SLIT3: variants seen among roughly 807,000 people sequenced by gnomAD.
The protein encoded by SLIT3 is slit guidance ligand 3.
A neutral mutation model predicts 184.0 loss-of-function variants in SLIT3; 68 were observed. The observed-to-expected ratio is 0.37, with a 90% CI of 0.30 to 0.45. SLIT3 has a LOEUF of 0.45. SLIT3 is among the 20% of genes least tolerant of loss of function. SLIT3 has a pLI of 1.00. For missense variants in SLIT3, 1,707 were observed against 2,026.0 expected (o/e 0.84, Z 3.02); for synonymous variants, 831 against 828.6 (o/e 1.00, Z -0.05).
intron 18 of SLIT3, among the ~76,000 whole-genome samples, chr5:168,749,859 CT>C (rs1393651812): frequency 6.6e-6 from 1 of 152,292 alleles, no homozygotes; most frequent in Non-Finnish European, 1.5e-5. Flanking sequence ...GTACCAAGCC[CT>C]GGCTGTGTGA....
intron 1 of SLIT3, among the ~76,000 whole-genome samples, chr5:169,257,253 G>A (rs140607709): frequency 2.6e-5 from 4 of 152,122 alleles, no homozygotes; most frequent in African/African-American, 9.6e-5. Context: ...CTCATCTTGG[G>A]TGGGATTCAG....
intron 3 of SLIT3, among the ~76,000 whole-genome samples, chr5:169,241,376 T>C (rs977327827): frequency 3.3e-5 from 5 of 152,186 alleles, no homozygotes; most frequent in Admixed American, 6.5e-5. Context: ...CTATCTGACA[T>C]ATGATAAAGA....
intron 12 of SLIT3, among the ~76,000 whole-genome samples, chr5:168,781,330 A>G (rs766445121): frequency 2.1e-4 from 32 of 152,180 alleles, no homozygotes; most frequent in Non-Finnish European, 4.0e-4. Flanking sequence ...CCTCAGGACT[A>G]TTAGGGTGGT....
intron 15 of SLIT3, among the ~76,000 whole-genome samples, chr5:168,761,909 T>G (rs146044103): frequency 7.8e-6 from 1 of 127,758 alleles, no homozygotes; most frequent in Admixed American, 8.7e-5. Context: ...GCCCAGCTAA[T>G]AAAAAAAAAA....
rs568958530 is a variant in SLIT3, at chr5:168,973,371, C to T, written c.414-90035G>A. Among the ~76,000 whole-genome samples the T allele has an allele frequency of 9.9e-5, 15 of 152,282 alleles. No individual in the cohort carries two copies. The South Asian group carries it at 2.9e-3, about 30-fold the overall frequency. On this transcript the variant is annotated intron_variant, in intron 4 of 35. Coordinates refer to ENST00000519560, the MANE Select transcript of SLIT3 (RefSeq NM_003062.4). ...CAAGCGATTCTCCTACCTCAGCCTC[C>T]TGAGTAGCTGGGATTACAGGTGCTC...
chr5:168,676,659 C>T (rs1761420800), intron 32 of SLIT3, among the ~76,000 whole-genome samples: 1 of 152,198 alleles, frequency 6.6e-6, no homozygotes. Flanking sequence ...GCAGGTATAT[C>T]CCACAGCGTC....
At chr5:169,152,771 C>T (rs1762161619) in intron 4 of SLIT3, among the ~76,000 whole-genome samples, 1 of 152,122 alleles carries the variant, frequency 6.6e-6, no homozygotes, top group Non-Finnish European at 1.5e-5. Flanking sequence ...TAATTATTTC[C>T]TTCCCTGACA....
chr5:168,786,059 G>C, intron 11 of SLIT3, 81 bp from the exon 12 acceptor site: 1 of 924,218 alleles, frequency 1.1e-6, no homozygotes, highest in Non-Finnish European at 1.8e-6. Flanking sequence ...CCATCACCTC[G>C]GCCAGTTCTG....
At chr5:168,847,270 A>G (rs551419099) in intron 5 of SLIT3, among the ~76,000 whole-genome samples, 3 of 152,370 alleles carry the variant, frequency 2.0e-5, no homozygotes, top group South Asian at 2.1e-4. Flanking sequence ...ATATTTATGC[A>G]TAAGTGTGCT....
intron 20 of SLIT3, among the ~76,000 whole-genome samples, chr5:168,732,082 A>G (rs542043857): frequency 6.6e-6 from 1 of 152,272 alleles, no homozygotes; most frequent in South Asian, 2.1e-4. Flanking sequence ...GACTTAATAA[A>G]TGAATTCAGT....
chr5:169,223,290 A>G (rs1326537066), intron 3 of SLIT3, among the ~76,000 whole-genome samples: 1 of 152,206 alleles, frequency 6.6e-6, no homozygotes, highest in African/African-American at 2.4e-5. Context: ...TGGGGATGCT[A>G]TGACCTCTAG....
At chr5:169,264,282 C>A (rs1259300930) in intron 1 of SLIT3, among the ~76,000 whole-genome samples, 1 of 152,154 alleles carries the variant, frequency 6.6e-6, no homozygotes, top group African/African-American at 2.4e-5. Context: ...CAACCTCCAC[C>A]TCCTGGGTTC....
In SLIT3 at chr5:168,688,772, C is replaced by T. The variant is rs1008079033; in HGVS notation, c.3177-1656G>A. ...GCCTTTGAGGGGCATGTGCTCAATA[C>T]AGCACCATGTATACTTCTGCTACTG... is the stretch of plus-strand genomic sequence containing the variant. On this transcript the variant is annotated intron_variant, in intron 29 of 35. Coordinates refer to ENST00000519560, the MANE Select transcript of SLIT3 (RefSeq NM_003062.4). Among the ~76,000 whole-genome samples, 4 of 152,358 alleles carry T rather than the reference C, an allele frequency of 2.6e-5. No individual in the cohort carries two copies. In the South Asian group the frequency reaches 6.2e-4, roughly 24 times the overall value.
chr5:169,147,806 G>C (rs574415285), intron 4 of SLIT3, among the ~76,000 whole-genome samples: 1 of 152,088 alleles, frequency 6.6e-6, no homozygotes, highest in African/African-American at 2.4e-5. Context: ...AGTATCCCTG[G>C]GCCTTAGATG....
intron 12 of SLIT3, among the ~76,000 whole-genome samples, chr5:168,777,068 CA>C (rs1755778132): frequency 4.2e-5 from 1 of 23,936 alleles, no homozygotes; most frequent in African/African-American, 2.1e-4. Context: ...TCATACAACA[CA>C]CACACACACA....
chr5:169,234,204 C>T (rs1765110508), intron 3 of SLIT3, among the ~76,000 whole-genome samples: 1 of 152,200 alleles, frequency 6.6e-6, no homozygotes, highest in Non-Finnish European at 1.5e-5. Flanking sequence ...TGTAGCTCTA[C>T]ATCCTCCTTA....
At chr5:169,263,954 G>A (rs1444485578) in intron 1 of SLIT3, among the ~76,000 whole-genome samples, 1 of 150,548 alleles carries the variant, frequency 6.6e-6, no homozygotes, top group Admixed American at 6.6e-5. Flanking sequence ...TAGGTTTCTC[G>A]GGGTGGAGAA....
At chr5:168,680,629 G>A (rs968055396) in intron 32 of SLIT3, among the ~76,000 whole-genome samples, 1 of 152,012 alleles carries the variant, frequency 6.6e-6, no homozygotes, top group African/African-American at 2.4e-5. Context: ...TGCTGAGGAG[G>A]AGATCTCATT....
chr5:168,741,437 TTCCAGCAC>T (rs1448262542), intron 20 of SLIT3, among the ~76,000 whole-genome samples: 2 of 135,464 alleles, frequency 1.5e-5, no homozygotes, highest in Non-Finnish European at 3.0e-5. Flanking sequence ...CACCACTGCA[TTCCAGCAC>T]TCCAGCCTGG....
Sources: allele counts gnomAD v4.1 joint callset (sites outside exome capture counted in the v4.1 genomes callset), GRCh38; gene constraint gnomAD v4.1.1; transcripts MANE v1.5; gene names NCBI Gene and HGNC (gene_info 2026-07-23, HGNC 2026-07-21).